SLC44A2: variants seen among roughly 807,000 people sequenced by gnomAD.
The protein encoded by SLC44A2 is choline transporter-like protein 2.
SLC44A2 carries 57 observed loss-of-function variants against 90.8 expected under a neutral mutation model. The ratio of observed to expected loss-of-function variants is 0.63; its 90% CI spans 0.51 to 0.78. The LOEUF (loss-of-function observed/expected upper bound fraction) is 0.78, where lower values mean the gene tolerates loss of function less well. Among genes scored for constraint, SLC44A2 ranks in the 30% least tolerant of loss-of-function variants. The probability of loss-of-function intolerance (pLI) is 0.00; values close to 1 mark genes in which losing one functional copy is unlikely to be tolerated. For missense variants in SLC44A2, 794 were observed against 919.7 expected (o/e 0.86, Z 1.77); for synonymous variants, 355 against 360.7 (o/e 0.98, Z 0.18).
intron 4 of SLC44A2, among the ~76,000 whole-genome samples, chr19:10,629,203 C>CAA (rs750866963): frequency 8.7e-6 from 1 of 115,562 alleles, no homozygotes; most frequent in Non-Finnish European, 1.8e-5. Flanking sequence ...GACTCCATCT[C>CAA]AAAAAAAAAA....
chr19:10,638,925 G>A (rs2067087761), intron 20 of SLC44A2, among the ~76,000 whole-genome samples: 1 of 151,870 alleles, frequency 6.6e-6, no homozygotes, highest in Admixed American at 6.6e-5. Context: ...TCAGCCTCCC[G>A]AGTAGCTGAG....
At chr19:10,607,299 A>G (rs908679706) in intron 1 of SLC44A2, among the ~76,000 whole-genome samples, 2 of 151,872 alleles carry the variant, frequency 1.3e-5, no homozygotes, top group Non-Finnish European at 2.9e-5. Context: ...TTTGAGATGA[A>G]AGTTTCCCTC....
rs1568450313 is a variant in SLC44A2, at chr19:10,631,455, C to T, written c.442-20C>T. 1 of 1,614,120 alleles carries T rather than the reference C, an allele frequency of 6.2e-7. No individual in the cohort carries two copies. Among genetic ancestry groups the T allele is most frequent in the Non-Finnish European group, 8.5e-7 (1 of 1,180,030 alleles). On this transcript the variant is annotated intron_variant, in intron 6 of 21. Coordinates refer to ENST00000335757, the MANE Select transcript of SLC44A2 (RefSeq NM_020428.4). ...GTGTACTAGACTTGGGGACTCACCTCCCTCCATCTCTCTTGGCAGGGAGTG... is the reference window on the plus strand; with the variant it reads ...GTGTACTAGACTTGGGGACTCACCTTCCTCCATCTCTCTTGGCAGGGAGTG...
In SLC44A2 at chr19:10,627,968, G is replaced by A. The variant is rs773870276; in HGVS notation, c.209G>A (p.Arg70Gln). The A allele has an allele frequency of 1.5e-5, 24 of 1,613,696 alleles. No homozygotes were observed. Among genetic ancestry groups the A allele is most frequent in the African/African-American group, 4.0e-5 (3 of 74,910 alleles). Residue 70 changes from arginine (R) to glutamine (Q), a missense_variant, in exon 4 of 22, where the codon CGG becomes CAG. Arg to Gln is a conservative substitution (Grantham distance 43, BLOSUM62 1). Transcript: ENST00000335757. ...AAGGTGATCTACCCCACTGACAGCC[G>A]GGGCGAGTTCTGCGGGCAGAAGGGC... ...PRKVIYPTDS[R>Q]GEFCGQKGTK... is the part of the protein sequence containing the mutation.
At chr19:10,617,290 T>C (rs2066863433) in intron 1 of SLC44A2, among the ~76,000 whole-genome samples, 1 of 152,124 alleles carries the variant, frequency 6.6e-6, no homozygotes, top group African/African-American at 2.4e-5. Context: ...GGGTTTAGAT[T>C]AGGCTCTCAG....
Position 10,643,443 on chromosome 19 carries a change from G to T in SLC44A2, c.*58G>T, listed in dbSNP as rs1373790942. On this transcript the variant is annotated 3_prime_UTR_variant, in exon 22 of 22. Transcript: ENST00000335757. ...CATGCCGCAGGGTGCTCAGTAGCTG[G>T]GTCTGTTCCCCCAGCCCCTTGGGCT... 4.5e-6 allele frequency: 7 copies of T among 1,558,056 alleles called. No homozygotes were observed. The Admixed American group carries it at 9.4e-5, about 21-fold the overall frequency.
rs778344822 is a variant in SLC44A2 at position 10,635,497 on chromosome 19, G to A, written c.1215G>A (p.Ala405=). 16 of 1,613,892 alleles carry A rather than the reference G, an allele frequency of 9.9e-6. No homozygotes were observed. Among genetic ancestry groups the A allele is most frequent in the Middle Eastern group, 1.6e-4 (1 of 6,062 alleles). ...IFDDSPCPFT[A]KTCNPETFPS... ...ATGACAGCCCCTGCCCATTTACTGC[G>A]AAAACCTGCAACCCAGAGGTGGGCG... The change falls in exon 14 of 22, where the codon GCG becomes GCA. Residue 405 remains alanine, a synonymous_variant. Coordinates refer to ENST00000335757, the MANE Select transcript of SLC44A2 (RefSeq NM_020428.4).
chr19:10,631,270 C>T lies in SLC44A2; in HGVS notation c.331-5C>T, dbSNP rs1017276799. The T allele has an allele frequency of 3.7e-6, 6 of 1,613,970 alleles. No homozygotes were observed. Among genetic ancestry groups the T allele is most frequent in the Non-Finnish European group, 5.1e-6 (6 of 1,179,992 alleles). On this transcript the variant is annotated splice_polypyrimidine_tract_variant and splice_region_variant and intron_variant, in intron 5 of 21. Coordinates refer to ENST00000335757, the MANE Select transcript of SLC44A2 (RefSeq NM_020428.4). Reference sequence around the variant, plus strand: ...CCACCCAATCCCTTCCTTCTCCCCTCCCAGATCTGCGTGGAAAAATGCCCC... The same window carrying T: ...CCACCCAATCCCTTCCTTCTCCCCTTCCAGATCTGCGTGGAAAAATGCCCC...
intron 4 of SLC44A2, 52 bp from the exon 5 acceptor site, chr19:10,631,005 C>A (rs1264837006): frequency 4.3e-5 from 52 of 1,214,262 alleles, no homozygotes; most frequent in African/African-American, 2.4e-4. Context: ...GACTCTGTCT[C>A]AAAAAAAAAA....
At chr19:10,640,760 A>C (rs1377233557) in intron 20 of SLC44A2, among the ~76,000 whole-genome samples, 1 of 152,192 alleles carries the variant, frequency 6.6e-6, no homozygotes, top group Non-Finnish European at 1.5e-5. Flanking sequence ...CCAAGAGCTC[A>C]GGAGGGGTGC....
At chr19:10,611,958 T>C (rs1398668881) in intron 1 of SLC44A2, among the ~76,000 whole-genome samples, 1 of 152,214 alleles carries the variant, frequency 6.6e-6, no homozygotes, top group African/African-American at 2.4e-5. Context: ...TGAAAGAATC[T>C]TCTACAAATC....
Position 10,626,277 on chromosome 19 carries a change from C to T in SLC44A2, c.62C>T (p.Thr21Ile), listed in dbSNP as rs1234440283. ...KHGTPQKYDP[T>I]FKGPIYNRGC... Reference sequence around the variant, plus strand: ...GGAACGCCACAGAAGTATGATCCCACTTTCAAAGGACCCATTTACAATAGG... The same window carrying T: ...GGAACGCCACAGAAGTATGATCCCATTTTCAAAGGACCCATTTACAATAGG... The change falls in exon 2 of 22, where the codon ACT (threonine) becomes ATT (isoleucine). Residue 21 changes from threonine (T) to isoleucine (I), a missense_variant. Around this residue, in one of 3 missense-constraint regions of SLC44A2, gnomAD observed 738 missense variants for 841.1 expected, o/e 0.88. Coordinates refer to ENST00000335757, the MANE Select transcript of SLC44A2 (RefSeq NM_020428.4). 6.2e-7 allele frequency: 1 copy of T among 1,613,650 alleles called. No homozygotes were observed. The highest frequency in any genetic ancestry group is 8.5e-7 in the Non-Finnish European group (1 of 1,179,528).
chr19:10,635,562 C>T, intron 14 of SLC44A2, 47 bp downstream of exon 14: 1 of 1,539,510 alleles, frequency 6.5e-7, no homozygotes, highest in Non-Finnish European at 8.9e-7. Context: ...CCAGCAGGCC[C>T]CAGATGATTT....
intron 1 of SLC44A2, among the ~76,000 whole-genome samples, chr19:10,615,486 G>A (rs1284758168): frequency 2.6e-5 from 4 of 151,640 alleles, no homozygotes; most frequent in African/African-American, 9.7e-5. Flanking sequence ...AGGCACAAGA[G>A]TCGCTTAAAC....
chr19:10,630,694 T>C (rs2066984369), intron 4 of SLC44A2, among the ~76,000 whole-genome samples: 1 of 149,190 alleles, frequency 6.7e-6, no homozygotes, highest in Non-Finnish European at 1.5e-5. Flanking sequence ...AAAAAAGTTT[T>C]CTATAGGGTG....
chr19:10,637,623 ATCCCTTCCCTTC>A lies in SLC44A2; in HGVS notation c.1592-18_1592-7del. 6.2e-7 allele frequency: 1 copy of A among 1,610,186 alleles called. No homozygotes were observed. Among genetic ancestry groups the A allele is most frequent in the Non-Finnish European group, 8.5e-7 (1 of 1,176,720 alleles). ...CAGGCTGGTGTCCCCTCACTTCCAC[ATCCCTTCCCTTC>A]TCTTCCAGCTGCAGAGAACAAGTTT... is the stretch of plus-strand genomic sequence containing the variant. On this transcript the variant is annotated splice_polypyrimidine_tract_variant and intron_variant, in intron 16 of 21. Transcript: ENST00000335757.
chr19:10,639,747 T>TGTGG (rs1277233660), intron 20 of SLC44A2, among the ~76,000 whole-genome samples: 1 of 151,912 alleles, frequency 6.6e-6, no homozygotes, highest in African/African-American at 2.4e-5. Context: ...GGGGCGTGGT[T>TGTGG]GTGGGCACCT....
chr19:10,634,919 A>C, intron 11 of SLC44A2, 32 bp downstream of exon 11: 1 of 1,614,120 alleles, frequency 6.2e-7, no homozygotes, highest in Non-Finnish European at 8.5e-7. Context: ...CTGCCCCCAC[A>C]TGAGGCCTTG....
In SLC44A2 at chr19:10,636,631, C is replaced by T. The variant is rs777812936; in HGVS notation, c.1497-31C>T. On this transcript the variant is annotated intron_variant, in intron 15 of 21. Transcript: ENST00000335757. ...GGATGGGGTGGAGGACGAGGCCTGG[C>T]CCAGCCACCGACCACTCCCTCGGCC... 66 of 1,608,924 alleles carry T rather than the reference C, an allele frequency of 4.1e-5. No individual in the cohort carries two copies. The Admixed American group carries it at 1.1e-3, about 27-fold the overall frequency.
Sources: gnomAD v4.1 joint callset for allele counts (sites outside exome capture counted in the v4.1 genomes callset) on GRCh38, gnomAD v4.1.1 for gene constraint, gnomAD v4.1.1 regional missense constraint, MANE v1.5 for transcripts, NCBI Gene and HGNC (gene_info 2026-07-23, HGNC 2026-07-21) for gene names.